Variants in CTNNBL1 observed in about 807,000 individuals in gnomAD.
CTNNBL1 encodes beta-catenin-like protein 1.
In CTNNBL1, 31 loss-of-function variants were observed where a neutral mutation model predicts 72.7. That is an observed-to-expected ratio of 0.43 (90% CI 0.32 to 0.58). The LOEUF is 0.58. Ranked by LOEUF, CTNNBL1 falls within the 20% of genes least tolerant of loss-of-function variation. The pLI, the probability that CTNNBL1 is intolerant of heterozygous loss-of-function variation, is 0.08. For synonymous variants in CTNNBL1, 240 were observed against 267.3 expected (o/e 0.90, Z 1.00); for missense variants, 534 against 725.1 (o/e 0.74, Z 3.03).
At chr20:37,804,390 A>G (rs933567504) in intron 11 of CTNNBL1, among the ~76,000 whole-genome samples, 3 of 152,138 alleles carry the variant, frequency 2.0e-5, no homozygotes, top group Admixed American at 1.3e-4. Context: ...CAACCTATGA[A>G]GTATTGGTGG....
chr20:37,803,153 G>T, intron 11 of CTNNBL1, 105 bp downstream of exon 11: 1 of 949,254 alleles, frequency 1.1e-6, no homozygotes, highest in Non-Finnish European at 1.6e-6. Flanking sequence ...TAGAGGGGAA[G>T]AGTGCTACCT....
chr20:37,863,710 G>A (rs1369350618), intron 15 of CTNNBL1, among the ~76,000 whole-genome samples: 3 of 152,134 alleles, frequency 2.0e-5, no homozygotes, highest in Non-Finnish European at 4.4e-5. Flanking sequence ...TGGGGTACAA[G>A]GGGTGACTGC....
intron 10 of CTNNBL1, 24 bp downstream of exon 10, chr20:37,779,359 TC>T: frequency 6.2e-7 from 1 of 1,607,426 alleles, no homozygotes; most frequent in Non-Finnish European, 8.5e-7. Context: ...GCCCTAGTTC[TC>T]CCACCTTTTT....
At position 37,868,088 on chromosome 20, in the gene CTNNBL1, G is replaced by A. The variant is rs116335328; in HGVS notation, c.1604-3837G>A. The stretch of plus-strand genomic sequence containing the variant: ...TTCCAACTCTGATATTTGGTAACTT[G>A]GCATAAGAGAGGGTGACCCCAGCCA... On this transcript the variant is annotated intron_variant, in intron 15 of 15. Transcript: ENST00000361383. Among the ~76,000 whole-genome samples, 1,020 of 152,288 alleles carry A rather than the reference G, an allele frequency of 6.7e-3. 13 individuals carry two copies. Among genetic ancestry groups the A allele is most frequent in the African/African-American group, 0.024 (979 of 41,550 alleles).
At position 37,757,660 on chromosome 20, in the gene CTNNBL1, A is replaced by T; in HGVS notation, c.564+4A>T. Reference sequence around the variant, plus strand: ...AGAAGTGCTCATCGATGCTCTGGTAAGTTGCACATCCTCTGGGGTTTTGCA... The same window carrying T: ...AGAAGTGCTCATCGATGCTCTGGTATGTTGCACATCCTCTGGGGTTTTGCA... On this transcript the variant is annotated splice_donor_region_variant and intron_variant, in intron 5 of 15. Transcript: ENST00000361383. The T allele has an allele frequency of 6.2e-7, 1 of 1,609,222 alleles. No individual in the cohort carries two copies.
At chr20:37,726,408 A>G (rs2073085006) in intron 1 of CTNNBL1, among the ~76,000 whole-genome samples, 1 of 152,202 alleles carries the variant, frequency 6.6e-6, no homozygotes, top group African/African-American at 2.4e-5. Flanking sequence ...ACATGGAGAA[A>G]AAGGAAAAGC....
chr20:37,859,883 G>T lies in CTNNBL1; in HGVS notation c.1393-16G>T, dbSNP rs45500793. On this transcript the variant is annotated splice_polypyrimidine_tract_variant and intron_variant, in intron 13 of 15. Transcript: ENST00000361383. ...CACTGTCCAGCTTTTATTCCTAAACGTTCATTTGTTTCTAGGACATGGTCC... is the reference window on the plus strand; with the variant it reads ...CACTGTCCAGCTTTTATTCCTAAACTTTCATTTGTTTCTAGGACATGGTCC... 0.015 allele frequency: 24,975 copies of T among 1,612,982 alleles called. 240 individuals are homozygous for T. The highest frequency in any genetic ancestry group is 0.019 in the Non-Finnish European group (22,419 of 1,179,366).
chr20:37,757,444 T>G, intron 4 of CTNNBL1, 115 bp from the exon 5 acceptor site: 1 of 605,958 alleles, frequency 1.7e-6, no homozygotes, highest in Admixed American at 3.0e-5. Context: ...AAAACTGGAG[T>G]CTATTAAAGG....
chr20:37,823,963 G>A (rs1366949860), intron 11 of CTNNBL1, among the ~76,000 whole-genome samples: 1 of 152,194 alleles, frequency 6.6e-6, no homozygotes, highest in Non-Finnish European at 1.5e-5. Flanking sequence ...CTCATTTTAG[G>A]ATCTAAAGAT....
intron 1 of CTNNBL1, chr20:37,694,809 A>G (rs906273162): frequency 2.6e-5 from 4 of 152,206 alleles, no homozygotes; most frequent in Non-Finnish European, 4.4e-5. Flanking sequence ...GGGAAACTGT[A>G]TGGGACCTAG....
chr20:37,777,022 C>G (rs1403348939), intron 7 of CTNNBL1, among the ~76,000 whole-genome samples: 2 of 152,090 alleles, frequency 1.3e-5, no homozygotes, highest in African/African-American at 4.8e-5. Context: ...GTTCAAAACT[C>G]TCATTCATCT....
intron 1 of CTNNBL1, among the ~76,000 whole-genome samples, chr20:37,694,474 G>T (rs6095758): frequency 1.3e-5 from 2 of 152,106 alleles, no homozygotes; most frequent in African/African-American, 4.8e-5. Flanking sequence ...CAGTCATTGA[G>T]GTGATGGTGG....
chr20:37,837,157 T>G (rs2072261729), intron 11 of CTNNBL1, among the ~76,000 whole-genome samples: 1 of 152,184 alleles, frequency 6.6e-6, no homozygotes, highest in Non-Finnish European at 1.5e-5. Context: ...CAGAGCACTT[T>G]CCCTGAAGTG....
At chr20:37,705,190 C>T (rs1303518747) in intron 1 of CTNNBL1, among the ~76,000 whole-genome samples, 4 of 152,148 alleles carry the variant, frequency 2.6e-5, no homozygotes. Context: ...TACTTGCTAG[C>T]TATGTGACCT....
chr20:37,868,786 C>CT (rs1568820141), intron 15 of CTNNBL1, among the ~76,000 whole-genome samples: 1 of 152,194 alleles, frequency 6.6e-6, no homozygotes, highest in African/African-American at 2.4e-5. Flanking sequence ...GGGAAGCCGG[C>CT]TTTACTGTTG....
At chr20:37,734,525 G>A (rs569540968) in intron 2 of CTNNBL1, among the ~76,000 whole-genome samples, 31 of 152,296 alleles carry the variant, frequency 2.0e-4, no homozygotes, top group African/African-American at 6.7e-4. Context: ...TGGGTAAGTG[G>A]TTTCTAGCCT....
chr20:37,793,280 CT>C lies in CTNNBL1; in HGVS notation c.1032-9583del, dbSNP rs1193776300. 2.6e-5 allele frequency among the ~76,000 whole-genome samples: 4 copies of C among 152,174 alleles called. No individual in the cohort carries two copies. In the East Asian group the frequency reaches 7.7e-4, roughly 29 times the overall value. On this transcript the variant is annotated intron_variant, in intron 10 of 15. Transcript: ENST00000361383. ...CTATTTTTCCTTTCAGTTCTATCAG[CT>C]TTTGCTTCATATATTTTGAGTTCTT...
chr20:37,725,515 C>T (rs1330936001), intron 1 of CTNNBL1, among the ~76,000 whole-genome samples: 2 of 122,332 alleles, frequency 1.6e-5, no homozygotes, highest in African/African-American at 3.2e-5. Flanking sequence ...AAGATGGTCT[C>T]GAACTCCTAA....
At chr20:37,715,704 T>G (rs2072980225) in intron 1 of CTNNBL1, among the ~76,000 whole-genome samples, 2 of 152,234 alleles carry the variant, frequency 1.3e-5, no homozygotes, top group Non-Finnish European at 2.9e-5. Flanking sequence ...CTAAGTAATT[T>G]CAGTCTGCGA....
Sources: gnomAD v4.1 joint callset for allele counts (sites outside exome capture counted in the v4.1 genomes callset) on GRCh38, gnomAD v4.1.1 for gene constraint, MANE v1.5 for transcripts, NCBI Gene and HGNC (gene_info 2026-07-23, HGNC 2026-07-21) for gene names.